Variants in HS6ST1 observed in about 807,000 individuals in gnomAD.
HS6ST1 encodes the protein heparan sulfate 6-O-sulfotransferase 1, also known as heparan-sulfate 6-O-sulfotransferase 1.
A neutral mutation model predicts 25.2 loss-of-function variants in HS6ST1; 3 were observed. That is an observed-to-expected ratio of 0.12 (90% CI 0.05 to 0.31). The LOEUF (loss-of-function observed/expected upper bound fraction) is 0.31, where lower values mean the gene tolerates loss of function less well. Ranked by LOEUF, HS6ST1 falls within the 10% of genes least tolerant of loss-of-function variation. The pLI, the probability that HS6ST1 is intolerant of heterozygous loss-of-function variation, is 1.00. For missense variants in HS6ST1, 310 were observed against 609.6 expected (o/e 0.51, Z 5.18); for synonymous variants, 204 against 275.1 (o/e 0.74, Z 2.56).
At position 128,284,502 on chromosome 2, in the gene HS6ST1, C is replaced by CTCTTTTTTTTTTTT. The variant is rs1553456279; in HGVS notation, c.528-15646_528-15633dup. ...CCATACTGTGGAGGTGACATCGTCC[C>CTCTTTTTTTTTTTT]TCTTTTTTTTTTTTTTTGAGACGGA... is the stretch of plus-strand genomic sequence containing the variant. On this transcript the variant is annotated intron_variant, in intron 1 of 1. Coordinates refer to ENST00000259241, the MANE Select transcript of HS6ST1 (RefSeq NM_004807.3). Among the ~76,000 whole-genome samples the CTCTTTTTTTTTTTT allele has an allele frequency of 2.3e-3, 235 of 104,428 alleles. 1 individual carries two copies. The highest frequency in any genetic ancestry group is 6.4e-3 in the Admixed American group (72 of 11,212). 68.5% of individuals were successfully genotyped at this position (104,428 alleles called of 152,430 possible).
At chr2:128,279,176 G>T (rs1311868394) in intron 1 of HS6ST1, among the ~76,000 whole-genome samples, 4 of 152,066 alleles carry the variant, frequency 2.6e-5, no homozygotes, top group African/African-American at 9.7e-5. Flanking sequence ...AGCTGATGGG[G>T]GTGCGGGGGT....
At chr2:128,303,845 GGT>G (rs1694169116) in intron 1 of HS6ST1, among the ~76,000 whole-genome samples, 1 of 152,236 alleles carries the variant, frequency 6.6e-6, no homozygotes, top group African/African-American at 2.4e-5. Flanking sequence ...TTTGTTTCTG[GGT>G]ATGTCTGTGA....
intron 1 of HS6ST1, among the ~76,000 whole-genome samples, chr2:128,290,414 A>T (rs1394665473): frequency 6.6e-6 from 1 of 152,182 alleles, no homozygotes; most frequent in African/African-American, 2.4e-5. Context: ...AGCCTGGTGG[A>T]CACATCTGCT....
chr2:128,299,751 G>A (rs1327676839), intron 1 of HS6ST1, among the ~76,000 whole-genome samples: 1 of 152,258 alleles, frequency 6.6e-6, no homozygotes, highest in Non-Finnish European at 1.5e-5. Flanking sequence ...GAGGCACACA[G>A]GGTAGGGAGC....
chr2:128,273,230 G>A (rs1196733403), intron 1 of HS6ST1, among the ~76,000 whole-genome samples: 3 of 152,344 alleles, frequency 2.0e-5, no homozygotes, highest in Non-Finnish European at 2.9e-5. Context: ...CCTGCCCTAA[G>A]GCCCAATGGC....
rs778913364 is a variant in HS6ST1, at chr2:128,318,183, G to A, written c.381C>T (p.Cys127=). Residue 127 remains cysteine, a synonymous_variant, in exon 1 of 2, where the codon TGC becomes TGT. Coordinates refer to ENST00000259241, the MANE Select transcript of HS6ST1 (RefSeq NM_004807.3). The surrounding 1 kb of genome is among the most constrained non-coding windows in gnomAD (Gnocchi z 5.7). ...DCRPGQKKCT[C]YRPNRRETWL... is the part of the protein sequence containing the mutation. ...AAGTCTCGCGGCGGTTGGGCCGGTA[G>A]CAGGTGCACTTCTTCTGGCCGGGCC... The A allele has an allele frequency of 5.1e-5, 78 of 1,530,154 alleles. No individual in the cohort carries two copies. The South Asian group carries it at 8.0e-4, about 16-fold the overall frequency. The allele number at this position is 1,530,154 out of a possible 1,614,324, so 94.8% of individuals were successfully genotyped here.
intron 1 of HS6ST1, among the ~76,000 whole-genome samples, chr2:128,295,425 C>A (rs1182328859): frequency 6.6e-6 from 1 of 152,240 alleles, no homozygotes; most frequent in East Asian, 1.9e-4. Context: ...AGGCTCCCAG[C>A]ACATGCTGGG....
chr2:128,302,040 C>T (rs1255863510), intron 1 of HS6ST1, among the ~76,000 whole-genome samples: 1 of 152,178 alleles, frequency 6.6e-6, no homozygotes, highest in African/African-American at 2.4e-5. Flanking sequence ...GAAGACATTC[C>T]CGCCAGAGCC....
chr2:128,270,047 C>T (rs968734575), intron 1 of HS6ST1, among the ~76,000 whole-genome samples: 1 of 152,206 alleles, frequency 6.6e-6, no homozygotes, highest in Non-Finnish European at 1.5e-5. Flanking sequence ...AGGCCACCCC[C>T]GCCTATGAGG....
intron 1 of HS6ST1, among the ~76,000 whole-genome samples, chr2:128,273,978 CTCA>C (rs1693653780): frequency 6.6e-6 from 1 of 152,050 alleles, no homozygotes; most frequent in Non-Finnish European, 1.5e-5. Flanking sequence ...AGCCCCTGCC[CTCA>C]GGAGCCCAGG....
rs192256143 is a variant in HS6ST1, at chr2:128,290,779, C to T, written c.528-21909G>A. Among the ~76,000 whole-genome samples, 1,170 of 137,636 alleles carry T rather than the reference C, an allele frequency of 8.5e-3. 14 individuals carry two copies. The highest frequency in any genetic ancestry group is 0.028 in the African/African-American group (998 of 36,014). The allele number at this position is 137,636 out of a possible 152,430, so 90.3% of individuals were successfully genotyped here. On this transcript the variant is annotated intron_variant, in intron 1 of 1. Transcript: ENST00000259241. Reference sequence around the variant, plus strand: ...TTGAGGTCAGGAGTTCAAGACCAGCCTTGCCAACATGGCGAAACACCGTCT... The same window carrying T: ...TTGAGGTCAGGAGTTCAAGACCAGCTTTGCCAACATGGCGAAACACCGTCT...
chr2:128,278,848 A>G (rs1312870581), intron 1 of HS6ST1, among the ~76,000 whole-genome samples: 2 of 152,232 alleles, frequency 1.3e-5, no homozygotes, highest in African/African-American at 4.8e-5. Flanking sequence ...ACATTTTACT[A>G]TAAAAATGTT....
At chr2:128,286,269 T>A (rs1419768109) in intron 1 of HS6ST1, among the ~76,000 whole-genome samples, 1 of 152,210 alleles carries the variant, frequency 6.6e-6, no homozygotes, top group Non-Finnish European at 1.5e-5. Flanking sequence ...CCAGGGGGAA[T>A]CTATCGTGGC....
intron 1 of HS6ST1, among the ~76,000 whole-genome samples, chr2:128,273,044 C>T (rs1693635341): frequency 6.6e-6 from 1 of 152,226 alleles, no homozygotes; most frequent in Non-Finnish European, 1.5e-5. Context: ...GCCCATGTCC[C>T]ACATAACCCT....
intron 1 of HS6ST1, among the ~76,000 whole-genome samples, chr2:128,286,697 T>C (rs1004019138): frequency 6.6e-6 from 1 of 152,042 alleles, no homozygotes; most frequent in African/African-American, 2.4e-5. Context: ...ACAAGAGGCT[T>C]TATTAGCGTA....
chr2:128,298,452 T>C (rs1694073014), intron 1 of HS6ST1, among the ~76,000 whole-genome samples: 1 of 152,040 alleles, frequency 6.6e-6, no homozygotes, highest in South Asian at 2.1e-4. Context: ...ATGAGCAAAA[T>C]ATGGTACATA....
chr2:128,276,600 T>A (rs1693699240), intron 1 of HS6ST1, among the ~76,000 whole-genome samples: 1 of 152,188 alleles, frequency 6.6e-6, no homozygotes, highest in Admixed American at 6.5e-5. Flanking sequence ...TTCACTGTTA[T>A]CCTATGTACA....
Position 128,267,091 on chromosome 2 carries a change from G to A in HS6ST1, c.*1071C>T, listed in dbSNP as rs568707199. 6.6e-6 allele frequency: 1 copy of A among 152,410 alleles called. No homozygotes were observed. Among genetic ancestry groups the A allele is most frequent in the Non-Finnish European group, 1.5e-5 (1 of 68,070 alleles). The allele number at this position is 152,410 out of a possible 1,614,324, so 9.4% of individuals were successfully genotyped here. On this transcript the variant is annotated 3_prime_UTR_variant, in exon 2 of 2. Transcript: ENST00000259241. ...TGGCCATACAGAGCCACTGTGGTCCGAGGGTACGGCTCCTGGGCAGGGGCT... is the reference window on the plus strand; with the variant it reads ...TGGCCATACAGAGCCACTGTGGTCCAAGGGTACGGCTCCTGGGCAGGGGCT...
At chr2:128,295,053 TG>T (rs1694020872) in intron 1 of HS6ST1, among the ~76,000 whole-genome samples, 1 of 152,218 alleles carries the variant, frequency 6.6e-6, no homozygotes, top group South Asian at 2.1e-4. Flanking sequence ...CAGAGGGGTC[TG>T]GATGTGCCCA....
Sources: allele counts gnomAD v4.1 joint callset (sites outside exome capture counted in the v4.1 genomes callset), GRCh38; gene constraint gnomAD v4.1.1; non-coding constraint Gnocchi (gnomAD v3.1); transcripts MANE v1.5; gene names NCBI Gene and HGNC (gene_info 2026-07-23, HGNC 2026-07-21).